Variants in CDHR3 observed in about 807,000 individuals in gnomAD.
CDHR3 encodes the protein cadherin related family member 3.
CDHR3 carries 79 observed loss-of-function variants against 86.6 expected under a neutral mutation model. The ratio of observed to expected loss-of-function variants is 0.91; its 90% confidence interval spans 0.76 to 1.10. The LOEUF is 1.10. Among genes scored for constraint, CDHR3 ranks in the 50% least tolerant of loss-of-function variants. The pLI, the probability that CDHR3 is intolerant of heterozygous loss-of-function variation, is 0.00. For synonymous variants in CDHR3, 421 were observed against 402.4 expected (o/e 1.05, Z -0.55); for missense variants, 1,081 against 1,077.6 (o/e 1.00, Z -0.04).
At chr7:106,016,619 T>C (rs1021644125) in intron 11 of CDHR3, among the ~76,000 whole-genome samples, 1 of 152,150 alleles carries the variant, frequency 6.6e-6, no homozygotes, top group Non-Finnish European at 1.5e-5. Flanking sequence ...TCTAGTGTAA[T>C]AGACTCCCCA....
At chr7:106,018,323 A>ACCT (rs1481064696) in intron 12 of CDHR3, among the ~76,000 whole-genome samples, 3 of 151,716 alleles carry the variant, frequency 2.0e-5, no homozygotes, top group African/African-American at 4.8e-5. Context: ...TGCAACTTCC[A>ACCT]CCTCCTGGGC....
At chr7:105,986,461 G>A (rs1161177480) in intron 4 of CDHR3, among the ~76,000 whole-genome samples, 1 of 152,176 alleles carries the variant, frequency 6.6e-6, no homozygotes, top group Non-Finnish European at 1.5e-5. Context: ...TTCCTCACTT[G>A]TCAAAAGGTT....
intron 1 of CDHR3, among the ~76,000 whole-genome samples, chr7:105,973,566 G>A (rs571463409): frequency 9.2e-5 from 14 of 152,210 alleles, no homozygotes; most frequent in East Asian, 1.9e-4. Flanking sequence ...CCCTCTGTGC[G>A]TGTCCTGTCT....
chr7:106,009,632 A>C (rs1054907413), intron 8 of CDHR3, among the ~76,000 whole-genome samples: 1 of 152,082 alleles, frequency 6.6e-6, no homozygotes, highest in Non-Finnish European at 1.5e-5. Context: ...TCCCGCAGGG[A>C]GGAGGGCGGC....
chr7:105,995,548 C>CT (rs1315508999), intron 5 of CDHR3, among the ~76,000 whole-genome samples: 2 of 152,052 alleles, frequency 1.3e-5, no homozygotes, highest in Non-Finnish European at 2.9e-5. Context: ...TCAAGATGGC[C>CT]TTGTCGAGCC....
Position 106,013,037 on chromosome 7 carries a change from T to C in CDHR3, c.1224+6T>C. On this transcript the variant is annotated splice_donor_region_variant and intron_variant, in intron 9 of 18. Transcript: ENST00000317716. ...CTGGCTCTGGGAAGATTGTGGTCAG[T>C]TAATGGTCATTGCATCATTAAAAGG... 1 of 1,587,648 alleles carries C rather than the reference T, an allele frequency of 6.3e-7. No individual in the cohort carries two copies. Among genetic ancestry groups the C allele is most frequent in the Non-Finnish European group, 8.6e-7 (1 of 1,167,806 alleles).
At position 105,980,585 on chromosome 7, in the gene CDHR3, GTTTTT is replaced by G. The variant is rs56057580; in HGVS notation, c.250-367_250-363del. 3.8e-5 allele frequency among the ~76,000 whole-genome samples: 4 copies of G among 105,514 alleles called. 1 individual carries two copies. The highest frequency in any genetic ancestry group is 7.4e-5 in the Non-Finnish European group (4 of 54,380). 69.2% of individuals were successfully genotyped at this position (105,514 alleles called of 152,430 possible). On this transcript the variant is annotated intron_variant, in intron 2 of 18. Transcript: ENST00000317716. Reference sequence around the variant, plus strand: ...GGAGCCTACCCCCAAGTAGTGGAAGGTTTTTTTTTTTTTTTTTTTTAATTTTTTTT... The same window carrying G: ...GGAGCCTACCCCCAAGTAGTGGAAGGTTTTTTTTTTTTTTTAATTTTTTTT...
At position 106,020,499 on chromosome 7, in the gene CDHR3, G is replaced by C. The variant is rs754877338; in HGVS notation, c.1780G>C (p.Asp594His). 13 of 1,613,838 alleles carry C rather than the reference G, an allele frequency of 8.1e-6. No individual in the cohort carries two copies. The highest frequency in any genetic ancestry group is 6.7e-5 in the Admixed American group (4 of 59,998). The change falls in exon 13 of 19, where the codon GAC (aspartate) becomes CAC (histidine). Residue 594 changes from aspartate (D) to histidine (H), a missense_variant. Physicochemically the swap from Asp to His is moderately conservative, Grantham distance 81. Coordinates refer to ENST00000317716, the MANE Select transcript of CDHR3 (RefSeq NM_152750.5). ...NIQNFKLTCT[D>H]LDSSPRSFRY... ...TCAGAATTTCAAGCTGACATGTACC[G>C]ACCTTGATTCCAGCCCCAGATCTTT...
Position 106,032,452 on chromosome 7 carries a change from C to T in CDHR3, c.2413C>T (p.Leu805=), listed in dbSNP as rs1563317354. 3 of 1,613,760 alleles carry T rather than the reference C, an allele frequency of 1.9e-6. No individual in the cohort carries two copies. In the East Asian group the frequency reaches 6.7e-5, roughly 36 times the overall value. ...TGGAGCCAGAAAGTGGAAAGATCCA[C>T]TAACCCAAATGCCAAAATGGAAAGA... ...KTGARKWKDP[L]TQMPKWKESS... Residue 805 remains leucine (L), a synonymous_variant, in exon 19 of 19, where the codon CTA becomes TTA. Transcript: ENST00000317716.
intron 13 of CDHR3, among the ~76,000 whole-genome samples, chr7:106,020,954 G>T (rs1164528290): frequency 6.6e-6 from 1 of 152,088 alleles, no homozygotes; most frequent in Non-Finnish European, 1.5e-5. Flanking sequence ...CCTGACTACA[G>T]TATGAGTCAT....
chr7:106,029,546 CTG>C (rs948383855), intron 17 of CDHR3, among the ~76,000 whole-genome samples: 45 of 138,226 alleles, frequency 3.3e-4, no homozygotes, highest in East Asian at 6.7e-4. Context: ...TCCTCCACCT[CTG>C]TCTCTCTCTC....
In CDHR3 at chr7:105,972,845, C is replaced by T. The variant is rs535427965; in HGVS notation, c.47-1999C>T. On this transcript the variant is annotated intron_variant, in intron 1 of 18. Transcript: ENST00000317716. ...CCATAAAACTTGATAATTCTGCGAG[C>T]GACAATAACTTATGCATTATGCATT... 9.9e-5 allele frequency among the ~76,000 whole-genome samples: 15 copies of T among 152,238 alleles called. No individual in the cohort carries two copies. The East Asian group carries it at 1.2e-3, about 12-fold the overall frequency.
Position 106,012,857 on chromosome 7 carries a change from C to T in CDHR3, c.1053-3C>T. 6.3e-7 allele frequency: 1 copy of T among 1,592,150 alleles called. No individual in the cohort carries two copies. Among genetic ancestry groups the T allele is most frequent in the Non-Finnish European group, 8.5e-7 (1 of 1,170,196 alleles). On this transcript the variant is annotated splice_region_variant and splice_polypyrimidine_tract_variant and intron_variant, in intron 8 of 18. Transcript: ENST00000317716. ...GAAATACTGGATTGTGTCTTTTCAC[C>T]AGCATTATGGTGCCGGAAAGAACAG...
intron 1 of CDHR3, among the ~76,000 whole-genome samples, chr7:105,972,845 C>A (rs535427965): frequency 2.0e-5 from 3 of 152,120 alleles, no homozygotes; most frequent in Non-Finnish European, 4.4e-5. Context: ...ATTCTGCGAG[C>A]GACAATAACT....
At chr7:105,980,149 C>T (rs750928665) in intron 2 of CDHR3, among the ~76,000 whole-genome samples, 2 of 152,212 alleles carry the variant, frequency 1.3e-5, no homozygotes, top group East Asian at 1.9e-4. Context: ...TCATTACTTA[C>T]GCAGATGTAT....
chr7:106,029,481 A>G (rs1156767823), intron 17 of CDHR3, among the ~76,000 whole-genome samples: 1 of 152,036 alleles, frequency 6.6e-6, no homozygotes, highest in Non-Finnish European at 1.5e-5. Context: ...TAGTTTGAAA[A>G]TTGTTAAGTG....
chr7:105,968,422 C>A (rs187583803), intron 1 of CDHR3, among the ~76,000 whole-genome samples: 1,873 of 151,816 alleles, frequency 0.012, 19 homozygotes, highest in Non-Finnish European at 0.019. Flanking sequence ...AGTGCAGTGG[C>A]GTGATCTGGG....
At chr7:105,984,115 ACAGCTG>A in intron 3 of CDHR3, 71 bp from the exon 4 acceptor site, 1 of 796,266 alleles carries the variant, frequency 1.3e-6, no homozygotes, top group Non-Finnish European at 2.0e-6. Context: ...TTGGTTGTGT[ACAGCTG>A]CCTTGATTTT....
chr7:106,028,936 CTTTCTTTCTTTCTTTCT>C (rs1563311980), intron 17 of CDHR3, among the ~76,000 whole-genome samples: 2 of 102,600 alleles, frequency 1.9e-5, no homozygotes, highest in Non-Finnish European at 2.0e-5. Flanking sequence ...TTCTTTCTTT[CTTTCTTTCTTTCTTTCT>C]TTCTTTCTTT....
Sources: allele counts gnomAD v4.1 joint callset (sites outside exome capture counted in the v4.1 genomes callset), GRCh38; gene constraint gnomAD v4.1.1; transcripts MANE v1.5; gene names NCBI Gene and HGNC (gene_info 2026-07-23, HGNC 2026-07-21).